The following AP1G1 variants were observed in gnomAD, a reference collection of about 807,000 sequenced individuals.
AP1G1 encodes adaptor related protein complex 1 subunit gamma 1.
In AP1G1, 7 loss-of-function variants were observed where a neutral mutation model predicts 108.3. The observed-to-expected ratio is 0.06, with a 90% confidence interval of 0.04 to 0.12. The LOEUF is 0.12. AP1G1 is among the 10% of genes least tolerant of loss of function. AP1G1 has a pLI of 1.00. For missense variants in AP1G1, 756 were observed against 1,010.7 expected (o/e 0.75, Z 3.42); for synonymous variants, 379 against 353.5 (o/e 1.07, Z -0.81).
chr16:71,789,192 G>A (rs1333262496), intron 2 of AP1G1, 87 bp downstream of exon 2: 11 of 1,266,670 alleles, frequency 8.7e-6, no homozygotes, highest in South Asian at 1.3e-5. Context: ...GCTATCAAAA[G>A]TACCTCCCCA....
At chr16:71,760,406 G>A (rs868764311) in intron 10 of AP1G1, among the ~76,000 whole-genome samples, 7 of 151,934 alleles carry the variant, frequency 4.6e-5, no homozygotes, top group African/African-American at 7.2e-5. Flanking sequence ...TTAGCTGGGC[G>A]TGGTGGCGTT....
intron 21 of AP1G1, 75 bp from the exon 22 acceptor site, chr16:71,734,782 G>C: frequency 1.7e-6 from 2 of 1,200,426 alleles, no homozygotes; most frequent in Admixed American, 1.7e-5. Context: ...AAACCATTTA[G>C]ACACCCAGAT....
chr16:71,749,037 G>C (rs1419489568), intron 15 of AP1G1, among the ~76,000 whole-genome samples: 2 of 152,060 alleles, frequency 1.3e-5, no homozygotes, highest in Non-Finnish European at 2.9e-5. Flanking sequence ...CTCCCGAGTA[G>C]CTGGGACTAC....
intron 4 of AP1G1, chr16:71,772,900 A>C: frequency 2.7e-6 from 1 of 371,072 alleles, no homozygotes; most frequent in Non-Finnish European, 5.2e-6. Context: ...CACTAATACA[A>C]AGATATGGGT....
intron 6 of AP1G1, chr16:71,767,927 C>T (rs1379841729): frequency 2.5e-6 from 4 of 1,593,704 alleles, no homozygotes. Context: ...AGGAACAAAA[C>T]ATACAAAGCA....
At chr16:71,762,384 G>C (rs1162318714) in intron 9 of AP1G1, among the ~76,000 whole-genome samples, 1 of 152,122 alleles carries the variant, frequency 6.6e-6, no homozygotes, top group Non-Finnish European at 1.5e-5. Flanking sequence ...CTGTGTGACA[G>C]CATCTTTAGT....
intron 2 of AP1G1, chr16:71,777,591 G>A (rs886891346): frequency 4.5e-5 from 18 of 395,886 alleles, no homozygotes; most frequent in African/African-American, 2.9e-4. Flanking sequence ...TCCCCAGCCT[G>A]TTGGCAGGCG....
At chr16:71,788,346 A>C (rs928834410) in intron 2 of AP1G1, among the ~76,000 whole-genome samples, 1 of 152,142 alleles carries the variant, frequency 6.6e-6, no homozygotes, top group African/African-American at 2.4e-5. Context: ...AAATAAAAAA[A>C]ACCCACTATT....
intron 13 of AP1G1, among the ~76,000 whole-genome samples, chr16:71,752,842 T>C (rs1170550897): frequency 6.6e-6 from 1 of 152,212 alleles, no homozygotes; most frequent in African/African-American, 2.4e-5. Flanking sequence ...TCAATTTTAC[T>C]TTATTTCTTT....
chr16:71,780,241 G>T (rs559620951), intron 2 of AP1G1, among the ~76,000 whole-genome samples: 3 of 151,918 alleles, frequency 2.0e-5, no homozygotes, highest in African/African-American at 7.2e-5. Context: ...CAATCCACCC[G>T]TTTTGGCCTC....
chr16:71,772,285 G>A (rs1318054819), intron 4 of AP1G1, among the ~76,000 whole-genome samples: 2 of 151,894 alleles, frequency 1.3e-5, no homozygotes, highest in African/African-American at 4.8e-5. Context: ...CCGCCACCAC[G>A]CCCGGCTAAT....
In AP1G1 at chr16:71,788,667, TA is replaced by T. The variant is rs398058359; in HGVS notation, c.201+611del. On this transcript the variant is annotated intron_variant, in intron 2 of 22. Transcript: ENST00000299980. ...AAGACATTTAGCAAGCTTTTTTTTTTAAAAAAAAAAGAAATAGGATCTTACT... is the reference window on the plus strand; with the variant it reads ...AAGACATTTAGCAAGCTTTTTTTTTTAAAAAAAAAGAAATAGGATCTTACT... 8.8e-3 allele frequency among the ~76,000 whole-genome samples: 1,208 copies of T among 136,852 alleles called. 22 individuals carry two copies. Among genetic ancestry groups the T allele is most frequent in the African/African-American group, 0.029 (1,079 of 37,760 alleles). 89.8% of individuals were successfully genotyped at this position (136,852 alleles called of 152,430 possible). A position where few individuals can be genotyped will look rare whatever the true frequency, so the allele number is the denominator to read the frequency against.
At position 71,759,671 on chromosome 16, in the gene AP1G1, A is replaced by G. The variant is rs986469517; in HGVS notation, c.975-750T>C. ...GCTACTCAGGAGGCTGAGGCAGGAG[A>G]ATGGCGTGAACCCAGGAGGTGGAGC... On this transcript the variant is annotated intron_variant, in intron 10 of 22. Coordinates refer to ENST00000299980, the MANE Select transcript of AP1G1 (RefSeq NM_001128.6). Among the ~76,000 whole-genome samples, 27 of 151,788 alleles carry G rather than the reference A, an allele frequency of 1.8e-4. No individual in the cohort carries two copies. In the South Asian group the frequency reaches 2.3e-3, roughly 13 times the overall value.
intron 1 of AP1G1, among the ~76,000 whole-genome samples, chr16:71,794,339 A>G (rs2032504714): frequency 6.6e-6 from 1 of 152,178 alleles, no homozygotes; most frequent in African/African-American, 2.4e-5. Flanking sequence ...TATATTCATT[A>G]TGGCTTGTAC....
At position 71,745,096 on chromosome 16, in the gene AP1G1, G is replaced by A. The variant is rs751512781; in HGVS notation, c.1999+48C>T. 4 of 1,600,904 alleles carry A rather than the reference G, an allele frequency of 2.5e-6. No individual in the cohort carries two copies. The South Asian group carries it at 3.4e-5, about 13-fold the overall frequency. ...TCTGGGTTCAGTTTAGTTTTTCCCT[G>A]AGGCCTCTATCTTTTCCCAGGTATT... On this transcript the variant is annotated intron_variant, in intron 19 of 22. Transcript: ENST00000299980.
intron 19 of AP1G1, among the ~76,000 whole-genome samples, chr16:71,741,140 A>G (rs1428225267): frequency 6.6e-6 from 1 of 152,258 alleles, no homozygotes; most frequent in African/African-American, 2.4e-5. Flanking sequence ...ATATTTAAAT[A>G]GATTTCAAAC....
At chr16:71,781,568 C>A (rs1170267763) in intron 2 of AP1G1, among the ~76,000 whole-genome samples, 1 of 152,108 alleles carries the variant, frequency 6.6e-6, no homozygotes, top group Non-Finnish European at 1.5e-5. Context: ...CATGGAGAGA[C>A]AGGTGGTTTT....
intron 2 of AP1G1, among the ~76,000 whole-genome samples, chr16:71,778,613 G>A (rs945224049): frequency 1.3e-5 from 2 of 151,556 alleles, no homozygotes; most frequent in African/African-American, 4.9e-5. Flanking sequence ...AAAGCAGGAG[G>A]AGTAGGTTGC....
intron 19 of AP1G1, among the ~76,000 whole-genome samples, chr16:71,740,381 C>T (rs773940486): frequency 6.6e-6 from 1 of 152,158 alleles, no homozygotes; most frequent in East Asian, 1.9e-4. Flanking sequence ...AGTTGAGAAC[C>T]GATTACCCCT....
Sources: allele counts gnomAD v4.1 joint callset (sites outside exome capture counted in the v4.1 genomes callset), GRCh38; gene constraint gnomAD v4.1.1; transcripts MANE v1.5; gene names NCBI Gene and HGNC (gene_info 2026-07-23, HGNC 2026-07-21).